The following ANO1 variants were observed in gnomAD, a reference collection of about 807,000 sequenced individuals.
ANO1 encodes the protein anoctamin-1.
Under a neutral mutation model 124.0 loss-of-function variants are expected in ANO1, and 59 were observed. The observed-to-expected ratio is 0.48, with a 90% CI of 0.39 to 0.59. The LOEUF is 0.59. Ranked by LOEUF, ANO1 falls within the 20% of genes least tolerant of loss-of-function variation. The pLI is 0.00. For synonymous variants in ANO1, 529 were observed against 532.0 expected (o/e 0.99, Z 0.08); for missense variants, 1,059 against 1,328.0 (o/e 0.80, Z 3.15).
intron 6 of ANO1, among the ~76,000 whole-genome samples, chr11:70,111,367 GA>G (rs1446735999): frequency 6.6e-6 from 1 of 152,194 alleles, no homozygotes; most frequent in African/African-American, 2.4e-5. Flanking sequence ...CAGGTGGGGG[GA>G]GCCGGTGAAT....
chr11:70,175,173 T>C (rs1473875767), intron 22 of ANO1, among the ~76,000 whole-genome samples: 1 of 152,224 alleles, frequency 6.6e-6, no homozygotes, highest in Non-Finnish European at 1.5e-5. Flanking sequence ...GCAGTCCCTC[T>C]GCAGGCATTG....
At chr11:70,163,157 C>G (rs537665999) in intron 18 of ANO1, 126 bp from the exon 19 acceptor site, 1 of 945,762 alleles carries the variant, frequency 1.1e-6, no homozygotes, top group South Asian at 1.7e-5. Context: ...CAGGGAGAGC[C>G]GCCTGTAGAT....
chr11:70,090,502 A>G (rs950080740), intron 2 of ANO1, among the ~76,000 whole-genome samples: 1 of 152,228 alleles, frequency 6.6e-6, no homozygotes, highest in African/African-American at 2.4e-5. Context: ...GAGTATTTGC[A>G]TCACTGAGTT....
intron 1 of ANO1, among the ~76,000 whole-genome samples, chr11:70,062,859 C>T (rs1217055030): frequency 6.6e-6 from 1 of 152,204 alleles, no homozygotes; most frequent in Non-Finnish European, 1.5e-5. Flanking sequence ...CGTTGGACTT[C>T]CCTGGGGCAC....
intron 2 of ANO1, among the ~76,000 whole-genome samples, chr11:70,100,219 G>A (rs967765967): frequency 1.3e-5 from 2 of 152,306 alleles, no homozygotes; most frequent in East Asian, 3.9e-4. Flanking sequence ...ACCGCAACCT[G>A]CAGCTTCAGG....
At chr11:70,039,559 C>G (rs1244727608) in intron 1 of ANO1, among the ~76,000 whole-genome samples, 1 of 151,092 alleles carries the variant, frequency 6.6e-6, no homozygotes, top group Non-Finnish European at 1.5e-5. Flanking sequence ...TCTAGTCCCA[C>G]CTCCCCTTCC....
At position 70,098,131 on chromosome 11, in the gene ANO1, C is replaced by T. The variant is rs78467058; in HGVS notation, c.442-4935C>T. On this transcript the variant is annotated intron_variant, in intron 2 of 25. Coordinates refer to ENST00000355303, the MANE Select transcript of ANO1 (RefSeq NM_018043.7). ...CAGGAGGATTAGACCACAGCAGCCC[C>T]GCGTCCTCGTGGACAGACAGGGTCA... Among the ~76,000 whole-genome samples the T allele has an allele frequency of 8.9e-3, 1,357 of 152,288 alleles. 22 individuals carry two copies. Among genetic ancestry groups the T allele is most frequent in the African/African-American group, 0.031 (1,284 of 41,534 alleles).
At chr11:70,151,684 T>C (rs1454439607) in intron 12 of ANO1, among the ~76,000 whole-genome samples, 1 of 152,026 alleles carries the variant, frequency 6.6e-6, no homozygotes, top group Non-Finnish European at 1.5e-5. Context: ...CGAATGAATT[T>C]CCCAAAGTGA....
At chr11:70,135,302 T>C (rs965972695) in intron 11 of ANO1, among the ~76,000 whole-genome samples, 7 of 152,236 alleles carry the variant, frequency 4.6e-5, no homozygotes, top group African/African-American at 1.7e-4. Context: ...CTTTAGATTA[T>C]TCCAAAGGAC....
intron 21 of ANO1, among the ~76,000 whole-genome samples, chr11:70,169,242 A>G (rs2048366073): frequency 6.6e-6 from 1 of 151,972 alleles, no homozygotes; most frequent in South Asian, 2.1e-4. Flanking sequence ...GACAAAGGGG[A>G]CTTCTGGAGC....
intron 22 of ANO1, among the ~76,000 whole-genome samples, chr11:70,175,441 G>T (rs1050318164): frequency 6.6e-6 from 1 of 152,240 alleles, no homozygotes; most frequent in Admixed American, 6.5e-5. Context: ...GAGGGCCCCT[G>T]TGGCCCCTGT....
At chr11:70,127,159 C>G (rs1021431766) in intron 10 of ANO1, among the ~76,000 whole-genome samples, 4 of 151,060 alleles carry the variant, frequency 2.6e-5, no homozygotes, top group African/African-American at 9.8e-5. Flanking sequence ...GGCTTCGGTG[C>G]AGGCTGGTGC....
At chr11:70,097,130 C>T (rs1284237885) in intron 2 of ANO1, among the ~76,000 whole-genome samples, 2 of 152,156 alleles carry the variant, frequency 1.3e-5, no homozygotes, top group Non-Finnish European at 2.9e-5. Context: ...ACTTACCTAT[C>T]ATTTATTTCT....
intron 12 of ANO1, 116 bp downstream of exon 12, chr11:70,149,908 G>A: frequency 1.7e-6 from 2 of 1,174,616 alleles, no homozygotes; most frequent in South Asian, 1.3e-5. Context: ...GGTCCAAGCT[G>A]AGGCAAGGCC....
intron 1 of ANO1, among the ~76,000 whole-genome samples, chr11:70,084,566 C>T (rs1036621995): frequency 6.6e-6 from 1 of 152,146 alleles, no homozygotes; most frequent in East Asian, 1.9e-4. Flanking sequence ...GAGCCTCCCC[C>T]AGGCCTTGCA....
chr11:70,043,726 TA>T (rs782130003), intron 1 of ANO1, among the ~76,000 whole-genome samples: 35 of 152,216 alleles, frequency 2.3e-4, no homozygotes, highest in Non-Finnish European at 3.5e-4. Flanking sequence ...AGCAAAAATA[TA>T]TTTCAAAAAT....
chr11:70,099,469 C>T (rs1359628094), intron 2 of ANO1, among the ~76,000 whole-genome samples: 2 of 152,156 alleles, frequency 1.3e-5, no homozygotes, highest in Non-Finnish European at 2.9e-5. Flanking sequence ...TATTTTGGGT[C>T]TTTGCATGTG....
chr11:70,184,801 C>T (rs568770310), intron 24 of ANO1, among the ~76,000 whole-genome samples: 1 of 152,226 alleles, frequency 6.6e-6, no homozygotes, highest in East Asian at 1.9e-4. Flanking sequence ...GGCTGAAGAG[C>T]AGTGGCGTGA....
intron 1 of ANO1, among the ~76,000 whole-genome samples, chr11:70,006,697 T>C (rs1856497635): frequency 8.1e-6 from 1 of 123,896 alleles, no homozygotes; most frequent in Non-Finnish European, 1.6e-5. Flanking sequence ...TGAGATGGAG[T>C]CTCACTCTGT....
Sources: allele counts gnomAD v4.1 joint callset (sites outside exome capture counted in the v4.1 genomes callset), GRCh38; gene constraint gnomAD v4.1.1; transcripts MANE v1.5; gene names NCBI Gene and HGNC (gene_info 2026-07-23, HGNC 2026-07-21).